The following SLCO1B1 variants were observed in gnomAD, a reference collection of about 807,000 sequenced individuals.
The protein encoded by SLCO1B1 is OATP-2.
A neutral mutation model predicts 70.1 loss-of-function variants in SLCO1B1; 81 were observed. The ratio of observed to expected loss-of-function variants is 1.16; its 90% CI spans 0.97 to 1.39. The LOEUF is 1.39. Ranked by LOEUF, SLCO1B1 falls within the 40% of genes most tolerant of loss-of-function variation. The probability of loss-of-function intolerance (pLI) is 0.00; values close to 1 mark genes in which losing one functional copy is unlikely to be tolerated. For missense variants in SLCO1B1, 895 were observed against 799.6 expected (o/e 1.12, Z -1.44); for synonymous variants, 283 against 271.5 (o/e 1.04, Z -0.42).
intron 4 of SLCO1B1, among the ~76,000 whole-genome samples, chr12:21,175,279 C>T (rs757315542): frequency 2.0e-5 from 3 of 152,018 alleles, no homozygotes; most frequent in South Asian, 2.1e-4. Flanking sequence ...ATTGTGGCAA[C>T]GTATTTCCAG....
chr12:21,150,643 G>GCATCAA (rs1940459077), intron 2 of SLCO1B1, among the ~76,000 whole-genome samples: 1 of 152,100 alleles, frequency 6.6e-6, no homozygotes, highest in African/African-American at 2.4e-5. Context: ...GAAAGGAATA[G>GCATCAA]CATCAACATC....
chr12:21,179,296 C>T (rs1015930932), intron 7 of SLCO1B1, among the ~76,000 whole-genome samples: 5 of 152,104 alleles, frequency 3.3e-5, no homozygotes, highest in Non-Finnish European at 5.9e-5. Context: ...ATGTCTCCCT[C>T]CCAAACTGAC....
At chr12:21,157,320 A>G (rs1422106508) in intron 2 of SLCO1B1, among the ~76,000 whole-genome samples, 1 of 152,140 alleles carries the variant, frequency 6.6e-6, no homozygotes, top group African/African-American at 2.4e-5. Flanking sequence ...AGAAGAAAAA[A>G]GAAGGAAAAT....
intron 11 of SLCO1B1, among the ~76,000 whole-genome samples, chr12:21,211,788 C>T (rs143311653): frequency 2.0e-5 from 3 of 152,056 alleles, no homozygotes; most frequent in Non-Finnish European, 2.9e-5. Flanking sequence ...ATTTAGTCTT[C>T]GGAGAGTGTA....
intron 7 of SLCO1B1, among the ~76,000 whole-genome samples, chr12:21,186,067 C>CA (rs551878609): frequency 1.9e-4 from 29 of 150,000 alleles, no homozygotes; most frequent in South Asian, 4.2e-4. Context: ...ACCTACTGAC[C>CA]AAAAAAAAAG....
intron 2 of SLCO1B1, among the ~76,000 whole-genome samples, chr12:21,144,140 A>G (rs1202444969): frequency 6.6e-6 from 1 of 152,164 alleles, no homozygotes; most frequent in Non-Finnish European, 1.5e-5. Flanking sequence ...CCAACAAGAT[A>G]CAGGGGAAGA....
At position 21,174,435 on chromosome 12, in the gene SLCO1B1, G is replaced by A. The variant is rs529455444; in HGVS notation, c.227-142G>A. The A allele has an allele frequency of 2.6e-5, 20 of 774,924 alleles. No individual in the cohort carries two copies. The African/African-American group carries it at 3.5e-4, about 13-fold the overall frequency. The allele number at this position is 774,924 out of a possible 1,614,324, so 48.0% of individuals were successfully genotyped here. Reference sequence around the variant, plus strand: ...TTTCAATGAGTGGTCTAATGTAGGTGAATTCACCTTCTCAATTAAATCACA... The same window carrying A: ...TTTCAATGAGTGGTCTAATGTAGGTAAATTCACCTTCTCAATTAAATCACA... On this transcript the variant is annotated intron_variant, in intron 3 of 14. Transcript: ENST00000256958.
chr12:21,230,258 T>G (rs537465639), intron 14 of SLCO1B1, among the ~76,000 whole-genome samples: 1 of 152,128 alleles, frequency 6.6e-6, no homozygotes, highest in South Asian at 2.1e-4. Context: ...CATTGTTGGA[T>G]TCAATCTGAT....
intron 12 of SLCO1B1, among the ~76,000 whole-genome samples, chr12:21,220,255 T>C (rs1271775403): frequency 6.6e-6 from 1 of 152,180 alleles, no homozygotes; most frequent in African/African-American, 2.4e-5. Context: ...GTTCTATCTC[T>C]ATAAAGCTGA....
intron 7 of SLCO1B1, among the ~76,000 whole-genome samples, chr12:21,193,304 C>T (rs1941051835): frequency 6.6e-6 from 1 of 152,128 alleles, no homozygotes; most frequent in South Asian, 2.1e-4. Flanking sequence ...ATTATGAAGT[C>T]AGCCTACTAT....
At chr12:21,228,257 T>G (rs12369359) in intron 14 of SLCO1B1, among the ~76,000 whole-genome samples, 31,232 of 152,100 alleles carry the variant, frequency 0.21, 3,555 homozygotes, top group East Asian at 0.45. Context: ...AAATTGCCAA[T>G]TTAAATTTCT....
At chr12:21,219,384 A>G (rs1941396423) in intron 12 of SLCO1B1, among the ~76,000 whole-genome samples, 1 of 152,120 alleles carries the variant, frequency 6.6e-6, no homozygotes, top group Non-Finnish European at 1.5e-5. Context: ...GGTGTGAAGT[A>G]TAGTTGACAT....
intron 11 of SLCO1B1, among the ~76,000 whole-genome samples, chr12:21,209,126 T>C (rs1214523362): frequency 2.0e-5 from 3 of 152,106 alleles, no homozygotes; most frequent in Non-Finnish European, 2.9e-5. Context: ...GTTACATATG[T>C]ATACATGTGC....
chr12:21,231,685 A>ATG (rs1941540588), intron 14 of SLCO1B1, among the ~76,000 whole-genome samples: 1 of 151,994 alleles, frequency 6.6e-6, no homozygotes, highest in Admixed American at 6.6e-5. Context: ...ATATGTATAT[A>ATG]TGTGTGTATA....
chr12:21,160,534 A>C (rs144970452), intron 2 of SLCO1B1, among the ~76,000 whole-genome samples: 4 of 152,272 alleles, frequency 2.6e-5, no homozygotes, highest in African/African-American at 9.6e-5. Flanking sequence ...TAAAGACTTA[A>C]ATCTAAAACC....
In SLCO1B1 at chr12:21,197,083, G is replaced by A; in HGVS notation, c.865G>A (p.Glu289Lys). The change falls in exon 8 of 15, where the codon GAA becomes AAA. Residue 289 changes from glutamate (E) to lysine (K), a missense_variant. Physicochemically the swap from Glu to Lys is moderately conservative, Grantham distance 56. Transcript: ENST00000256958. ...CCAAACTCCAAATAAACCACAAAAAGAAAGAAAAGCTTCACTGTCTTTGCA... is the reference window on the plus strand; with the variant it reads ...CCAAACTCCAAATAAACCACAAAAAAAAAGAAAAGCTTCACTGTCTTTGCA... ...LPQTPNKPQKERKASLSLHVL... is the reference protein window; with the variant it reads ...LPQTPNKPQKKRKASLSLHVL... 5.6e-6 allele frequency: 9 copies of A among 1,613,440 alleles called. No homozygotes were observed. Among genetic ancestry groups the A allele is most frequent in the Non-Finnish European group, 7.6e-6 (9 of 1,179,624 alleles).
At chr12:21,145,387 A>G (rs930998396) in intron 2 of SLCO1B1, among the ~76,000 whole-genome samples, 8 of 150,214 alleles carry the variant, frequency 5.3e-5, no homozygotes, top group African/African-American at 2.0e-4. Context: ...CTCACTGCAA[A>G]CTCCACCTCC....
chr12:21,214,839 G>A (rs894366153), intron 11 of SLCO1B1, among the ~76,000 whole-genome samples: 8 of 152,044 alleles, frequency 5.3e-5, no homozygotes, highest in Admixed American at 1.3e-4. Flanking sequence ...GGTGCTGTCC[G>A]TCACCCCTTT....
intron 2 of SLCO1B1, among the ~76,000 whole-genome samples, chr12:21,166,581 G>A (rs79192323): frequency 3.3e-4 from 51 of 152,250 alleles, no homozygotes; most frequent in African/African-American, 1.2e-3. Flanking sequence ...TAAACAATAA[G>A]CTATGTCACT....
Sources: gnomAD v4.1 joint callset for allele counts (sites outside exome capture counted in the v4.1 genomes callset) on GRCh38, gnomAD v4.1.1 for gene constraint, MANE v1.5 for transcripts, NCBI Gene and HGNC (gene_info 2026-07-23, HGNC 2026-07-21) for gene names.